The following TAF4 variants were observed in gnomAD, a reference collection of about 807,000 sequenced individuals.
The protein encoded by TAF4 is TATA-box binding protein associated factor 4.
In TAF4, 9 loss-of-function variants were observed where a neutral mutation model predicts 90.3. The ratio of observed to expected loss-of-function variants is 0.10; its 90% confidence interval spans 0.06 to 0.17. The LOEUF is 0.17. Ranked by LOEUF, TAF4 falls within the 10% of genes least tolerant of loss-of-function variation. The probability of loss-of-function intolerance (pLI) is 1.00; values close to 1 mark genes in which losing one functional copy is unlikely to be tolerated. For synonymous variants in TAF4, 818 were observed against 638.9 expected (o/e 1.28, Z -4.23); for missense variants, 1,351 against 1,370.7 (o/e 0.99, Z 0.23).
Position 62,017,638 on chromosome 20 carries a change from C to G in TAF4, c.1361-2931G>C, listed in dbSNP as rs967297566. On this transcript the variant is annotated intron_variant, in intron 1 of 14. Coordinates refer to ENST00000252996, the MANE Select transcript of TAF4 (RefSeq NM_003185.4). ...CTCCAGTCTAGGCGACAGAGCGAGA[C>G]TCCGTCTCAAAAAATTAAAATAATA... Among the ~76,000 whole-genome samples the G allele has an allele frequency of 3.9e-5, 6 of 152,028 alleles. No homozygotes were observed. In the South Asian group the frequency reaches 1.2e-3, roughly 32 times the overall value.
At chr20:61,977,767 T>G (rs545448747) in intron 14 of TAF4, among the ~76,000 whole-genome samples, 1 of 152,266 alleles carries the variant, frequency 6.6e-6, no homozygotes, top group South Asian at 2.1e-4. Flanking sequence ...GGGCCAGGCC[T>G]CCCAAAAGAG....
At chr20:62,018,171 T>G (rs549193475) in intron 1 of TAF4, among the ~76,000 whole-genome samples, 1 of 152,338 alleles carries the variant, frequency 6.6e-6, no homozygotes, top group Non-Finnish European at 1.5e-5. Flanking sequence ...AACTGAGGTT[T>G]GCTTCCAACA....
Position 62,065,206 on chromosome 20 carries a change from G to A in TAF4, c.605C>T (p.Ala202Val), listed in dbSNP as rs778517622. 3.4e-6 allele frequency: 4 copies of A among 1,183,978 alleles called. No homozygotes were observed. The highest frequency in any genetic ancestry group is 9.2e-5 in the East Asian group (1 of 10,816). The allele number at this position is 1,183,978 out of a possible 1,614,324, so 73.3% of individuals were successfully genotyped here. Residue 202 changes from alanine to valine, a missense_variant, in exon 1 of 15, where the codon GCC (alanine) becomes GTC (valine). By Grantham distance (64) the Ala-to-Val change is moderately conservative. Around this residue, in one of 9 missense-constraint regions of TAF4, gnomAD observed 782 missense variants for 536.6 expected, o/e 1.46. Coordinates refer to ENST00000252996, the MANE Select transcript of TAF4 (RefSeq NM_003185.4). ...PGAAQTLNGS[A>V]ALLNSHHAAA... ...GGCGTGGTGCGAGTTCAGCAGCGCG[G>A]CGCTCCCATTCAAAGTTTGCGCGGC...
chr20:62,045,351 G>A (rs1190410951), intron 1 of TAF4, among the ~76,000 whole-genome samples: 1 of 152,188 alleles, frequency 6.6e-6, no homozygotes, highest in East Asian at 1.9e-4. Flanking sequence ...CTCTACCCTT[G>A]ACTCGCTTCA....
chr20:62,052,468 T>C (rs2056034565), intron 1 of TAF4, among the ~76,000 whole-genome samples: 1 of 151,992 alleles, frequency 6.6e-6, no homozygotes, highest in African/African-American at 2.4e-5. Context: ...TCCAGTCAGC[T>C]GAGATCGACA....
chr20:62,012,293 T>G (rs1171780313), intron 3 of TAF4: 1 of 152,378 alleles, frequency 6.6e-6, no homozygotes, highest in East Asian at 1.9e-4. Flanking sequence ...AGAGCCTCCC[T>G]TGCCTCAGTG....
chr20:62,009,511 C>T (rs920260776), intron 4 of TAF4, among the ~76,000 whole-genome samples: 4 of 152,236 alleles, frequency 2.6e-5, no homozygotes, highest in Admixed American at 2.6e-4. Context: ...CAAACGGACA[C>T]AGAAGGAACC....
In TAF4 at chr20:62,006,900, G is replaced by C. The variant is rs1223160467; in HGVS notation, c.1975-142C>G. ...CTTGGCCCTCACGGCAGCATGTCTGGATGTCAAGGGCCAGGACCCCATCCT... is the reference window on the plus strand; with the variant it reads ...CTTGGCCCTCACGGCAGCATGTCTGCATGTCAAGGGCCAGGACCCCATCCT... On this transcript the variant is annotated intron_variant, in intron 6 of 14. Coordinates refer to ENST00000252996, the MANE Select transcript of TAF4 (RefSeq NM_003185.4). This position sits in a 1 kb window ranked among gnomAD's most constrained non-coding sequence, Gnocchi z 7.0. The C allele has an allele frequency of 5.9e-6, 7 of 1,190,692 alleles. No individual in the cohort carries two copies. The highest frequency in any genetic ancestry group is 7.6e-6 in the Non-Finnish European group (7 of 922,488). 73.8% of individuals were successfully genotyped at this position (1,190,692 alleles called of 1,614,324 possible).
At chr20:61,994,162 T>A (rs1250651061) in intron 14 of TAF4, among the ~76,000 whole-genome samples, 1 of 152,218 alleles carries the variant, frequency 6.6e-6, no homozygotes, top group African/African-American at 2.4e-5. Context: ...AAGTAAGTCC[T>A]TAACTCTAAG....
At chr20:62,032,361 C>G (rs550873125) in intron 1 of TAF4, among the ~76,000 whole-genome samples, 2 of 152,374 alleles carry the variant, frequency 1.3e-5, no homozygotes, top group East Asian at 3.9e-4. Context: ...CACGTTTGTC[C>G]AGATGGCAAC....
intron 1 of TAF4, among the ~76,000 whole-genome samples, chr20:62,029,504 A>ACT (rs2055892864): frequency 6.6e-6 from 1 of 151,854 alleles, no homozygotes; most frequent in African/African-American, 2.4e-5. Context: ...ACACACACAC[A>ACT]CACTCATACA....
chr20:61,977,762 A>G (rs2055505316), intron 14 of TAF4, among the ~76,000 whole-genome samples: 1 of 152,238 alleles, frequency 6.6e-6, no homozygotes, highest in South Asian at 2.1e-4. Context: ...CCTGAGGGCC[A>G]GGCCTCCCAA....
At chr20:61,985,342 G>A (rs1255230447) in intron 14 of TAF4, among the ~76,000 whole-genome samples, 3 of 152,054 alleles carry the variant, frequency 2.0e-5, no homozygotes, top group Non-Finnish European at 4.4e-5. Flanking sequence ...CCTGGTGGGG[G>A]CTGAGGCAGG....
rs1342402574 is a variant in TAF4, at chr20:62,065,411, C to T, written c.400G>A (p.Ala134Thr). The change falls in exon 1 of 15, where the codon GCG becomes ACG. Residue 134 changes from alanine to threonine, a missense_variant. Ala to Thr is a moderately conservative substitution (Grantham distance 58, BLOSUM62 0). Coordinates refer to ENST00000252996, the MANE Select transcript of TAF4 (RefSeq NM_003185.4). ...GCGGGCACCGGGGCGCAGGACCCCG[C>T]GCTGCCCTCGGGCGGCGGCCTCAGC... ...AKLRPPPEGSAGSCAPVPAAA... is the reference protein window; with the variant it reads ...AKLRPPPEGSTGSCAPVPAAA... 41 of 972,844 alleles carry T rather than the reference C, an allele frequency of 4.2e-5. 2 individuals are homozygous for T. The highest frequency in any genetic ancestry group is 1.1e-3 in the Middle Eastern group (2 of 1,868). The allele number at this position is 972,844 out of a possible 1,614,324, so 60.3% of individuals were successfully genotyped here. A position where few individuals can be genotyped will look rare whatever the true frequency, so the allele number is the denominator to read the frequency against.
intron 1 of TAF4, among the ~76,000 whole-genome samples, chr20:62,055,674 G>C (rs757779320): frequency 1.3e-5 from 2 of 152,200 alleles, no homozygotes; most frequent in African/African-American, 4.8e-5. Flanking sequence ...CCTTGGCCTG[G>C]ATACAGGTCC....
intron 14 of TAF4, among the ~76,000 whole-genome samples, chr20:61,986,331 C>A (rs150180869): frequency 1.2e-3 from 52 of 41,776 alleles, no homozygotes; most frequent in South Asian, 4.6e-3. Context: ...CACCATCCCC[C>A]ATCAAAGGAA....
Position 62,065,451 on chromosome 20 carries a change from CGCGGGCCCT to C in TAF4, c.351_359del (p.Gly118_Ala120del). 2 of 975,080 alleles carry C rather than the reference CGCGGGCCCT, an allele frequency of 2.1e-6. No homozygotes were observed. The highest frequency in any genetic ancestry group is 2.4e-6 in the Non-Finnish European group (2 of 825,004). 60.4% of individuals were successfully genotyped at this position (975,080 alleles called of 1,614,324 possible). ...GCGGCCTCAGCTTCGCGGCGGGCGG[CGCGGGCCCT>C]GCGGGGACAAGGGGGCGGCGCGGTG... On this transcript the variant is annotated inframe_deletion, in exon 1 of 15. Transcript: ENST00000252996.
rs1287899197 is a variant in TAF4, at chr20:62,062,832, C to G, written c.1360+1619G>C. On this transcript the variant is annotated intron_variant, in intron 1 of 14. Transcript: ENST00000252996. Reference sequence around the variant, plus strand: ...AGTGGCTCAGAGCAAGAGGACCTGGCCAGCCCCACAAGACAGAGTCCAATA... The same window carrying G: ...AGTGGCTCAGAGCAAGAGGACCTGGGCAGCCCCACAAGACAGAGTCCAATA... Among the ~76,000 whole-genome samples the G allele has an allele frequency of 2.6e-5, 4 of 152,166 alleles. No individual in the cohort carries two copies. The East Asian group carries it at 7.7e-4, about 29-fold the overall frequency.
At chr20:62,029,483 C>CGT (rs1472927657) in intron 1 of TAF4, among the ~76,000 whole-genome samples, 6 of 136,450 alleles carry the variant, frequency 4.4e-5, no homozygotes, top group Admixed American at 2.9e-4. Context: ...CGTGCGCGCG[C>CGT]GCGCACACAC....
Sources: allele counts gnomAD v4.1 joint callset (sites outside exome capture counted in the v4.1 genomes callset), GRCh38; gene constraint gnomAD v4.1.1; regional missense constraint gnomAD v4.1.1; non-coding constraint Gnocchi (gnomAD v3.1); transcripts MANE v1.5; gene names NCBI Gene and HGNC (gene_info 2026-07-23, HGNC 2026-07-21).